The following ROBO1 variants were observed in gnomAD, a reference collection of about 807,000 sequenced individuals.
The protein encoded by ROBO1 is roundabout guidance receptor 1, also known as roundabout homolog 1.
In ROBO1, 149 loss-of-function variants were observed where a neutral mutation model predicts 195.9. That is an observed-to-expected ratio of 0.76 (90% CI 0.67 to 0.87). The LOEUF is 0.87. Among genes scored for constraint, ROBO1 ranks in the 40% least tolerant of loss-of-function variants. The probability of loss-of-function intolerance (pLI) is 0.00; values close to 1 mark genes in which losing one functional copy is unlikely to be tolerated. For missense variants in ROBO1, 1,933 were observed against 2,068.3 expected, an observed-to-expected ratio of 0.93 and a Z score of 1.27; for synonymous variants, 816 against 733.2, an observed-to-expected ratio of 1.11 and a Z score of -1.82.
At chr3:79,275,266 T>G (rs1408272294) in intron 2 of ROBO1, among the ~76,000 whole-genome samples, 1 of 151,738 alleles carries the variant, frequency 6.6e-6, no homozygotes, top group Non-Finnish European at 1.5e-5. Context: ...CAACAACATA[T>G]AAAAGATCAT....
At position 79,043,442 on chromosome 3, in the gene ROBO1, C is replaced by T. The variant is rs186171490; in HGVS notation, c.172+82014G>A. On this transcript the variant is annotated intron_variant, in intron 3 of 30. Coordinates refer to ENST00000464233, the MANE Select transcript of ROBO1 (RefSeq NM_002941.4). ...TTGAAACAATCCTTTGGAAAGCCAACGAGGTCACTAAAGGTCAAAACCCAT... is the reference window on the plus strand; with the variant it reads ...TTGAAACAATCCTTTGGAAAGCCAATGAGGTCACTAAAGGTCAAAACCCAT... Among the ~76,000 whole-genome samples, 115 of 151,944 alleles carry T rather than the reference C, an allele frequency of 7.6e-4. 2 individuals are homozygous for T. The South Asian group carries it at 0.021, about 28-fold the overall frequency.
intron 2 of ROBO1, among the ~76,000 whole-genome samples, chr3:79,282,299 CA>C (rs1269467807): frequency 6.6e-6 from 1 of 151,744 alleles, no homozygotes; most frequent in African/African-American, 2.4e-5. Context: ...GTATGAGCAC[CA>C]AAAAAAGAAC....
At chr3:79,665,914 G>A (rs929184102) in intron 1 of ROBO1, among the ~76,000 whole-genome samples, 1 of 151,898 alleles carries the variant, frequency 6.6e-6, no homozygotes, top group Non-Finnish European at 1.5e-5. Context: ...GACAGTGAAA[G>A]ATGATACTTG....
At chr3:78,656,283 T>C (rs1253496931) in intron 18 of ROBO1, among the ~76,000 whole-genome samples, 1 of 151,958 alleles carries the variant, frequency 6.6e-6, no homozygotes, top group African/African-American at 2.4e-5. Context: ...TGAATATAAA[T>C]TGGTCGTTGC....
At chr3:79,659,055 A>T (rs1946252500) in intron 1 of ROBO1, among the ~76,000 whole-genome samples, 1 of 151,938 alleles carries the variant, frequency 6.6e-6, no homozygotes, top group African/African-American at 2.4e-5. Context: ...AATTTTTAAC[A>T]TGTTCAATTA....
intron 1 of ROBO1, among the ~76,000 whole-genome samples, chr3:79,620,482 C>T (rs1208751868): frequency 1.3e-5 from 2 of 151,990 alleles, no homozygotes; most frequent in East Asian, 2.0e-4. Flanking sequence ...GCTTCTAAAC[C>T]TCTTAAAACT....
intron 4 of ROBO1, among the ~76,000 whole-genome samples, chr3:78,865,958 G>A (rs1162205985): frequency 6.6e-6 from 1 of 152,014 alleles, no homozygotes; most frequent in African/African-American, 2.4e-5. Flanking sequence ...CTCGAATAGA[G>A]GATATACATA....
chr3:79,480,409 T>C (rs1938775678), intron 2 of ROBO1, among the ~76,000 whole-genome samples: 1 of 152,164 alleles, frequency 6.6e-6, no homozygotes, highest in Admixed American at 6.5e-5. Flanking sequence ...GAAATCAATA[T>C]GGGTCTAAAG....
chr3:79,766,407 G>A (rs1704992631), intron 1 of ROBO1, among the ~76,000 whole-genome samples: 1 of 151,660 alleles, frequency 6.6e-6, no homozygotes, highest in South Asian at 2.1e-4. Flanking sequence ...GCAGGAGTGG[G>A]ATGTCTTAGC....
chr3:78,602,787 C>T lies in ROBO1; in HGVS notation c.4745-2478G>A, dbSNP rs370036602. 8.5e-5 allele frequency among the ~76,000 whole-genome samples: 13 copies of T among 152,266 alleles called. No homozygotes were observed. In the East Asian group the frequency reaches 2.1e-3, roughly 25 times the overall value. ...GCTGAACCCCTACTCTTACATGTTC[C>T]TCAAACTCAACCTGTTGAACATTGA... On this transcript the variant is annotated intron_variant, in intron 29 of 30. Coordinates refer to ENST00000464233, the MANE Select transcript of ROBO1 (RefSeq NM_002941.4).
At chr3:79,085,812 T>A (rs765102617) in intron 3 of ROBO1, among the ~76,000 whole-genome samples, 1 of 152,136 alleles carries the variant, frequency 6.6e-6, no homozygotes, top group African/African-American at 2.4e-5. Context: ...AAAGTTTAGA[T>A]CTCCTGTAGT....
At chr3:79,695,583 A>G (rs184482895) in intron 1 of ROBO1, among the ~76,000 whole-genome samples, 1 of 151,664 alleles carries the variant, frequency 6.6e-6, no homozygotes, top group East Asian at 1.9e-4. Flanking sequence ...CGAGAACAGA[A>G]TAAGAACTAC....
At chr3:78,915,590 C>T (rs1201042600) in intron 4 of ROBO1, among the ~76,000 whole-genome samples, 1 of 151,956 alleles carries the variant, frequency 6.6e-6, no homozygotes, top group Non-Finnish European at 1.5e-5. Context: ...TTGTATAATA[C>T]TTACTGAGAC....
intron 1 of ROBO1, among the ~76,000 whole-genome samples, chr3:79,650,834 G>C (rs1244505549): frequency 6.6e-6 from 1 of 151,680 alleles, no homozygotes; most frequent in African/African-American, 2.4e-5. Flanking sequence ...GCCTGAGTCA[G>C]AAAAAATAAA....
chr3:78,908,904 T>C (rs1011940660), intron 4 of ROBO1, among the ~76,000 whole-genome samples: 3 of 151,840 alleles, frequency 2.0e-5, no homozygotes, highest in Non-Finnish European at 4.4e-5. Flanking sequence ...TAAAATGCAT[T>C]CCATACTCTA....
At chr3:79,096,229 C>T (rs1158618570) in intron 3 of ROBO1, among the ~76,000 whole-genome samples, 6 of 151,848 alleles carry the variant, frequency 4.0e-5, no homozygotes, top group African/African-American at 4.8e-5. Context: ...ATTAAGATGC[C>T]GTCATTTCCC....
chr3:79,750,117 C>G (rs910394044), intron 1 of ROBO1, among the ~76,000 whole-genome samples: 2 of 152,194 alleles, frequency 1.3e-5, no homozygotes, highest in African/African-American at 2.4e-5. Context: ...ATCAGCATGA[C>G]CTGGATGTGA....
At chr3:79,013,922 C>G (rs2077852946) in intron 3 of ROBO1, among the ~76,000 whole-genome samples, 1 of 152,070 alleles carries the variant, frequency 6.6e-6, no homozygotes, top group Non-Finnish European at 1.5e-5. Context: ...TTTCACTTTA[C>G]TGGTCTCCTT....
intron 5 of ROBO1, among the ~76,000 whole-genome samples, chr3:78,725,279 G>T (rs771592656): frequency 7.2e-5 from 11 of 151,994 alleles, no homozygotes; most frequent in Non-Finnish European, 1.6e-4. Flanking sequence ...CTCCTTTTTG[G>T]GAAAGAGACA....
Sources: allele counts gnomAD v4.1 joint callset (sites outside exome capture counted in the v4.1 genomes callset), GRCh38; gene constraint gnomAD v4.1.1; transcripts MANE v1.5; gene names NCBI Gene and HGNC (gene_info 2026-07-23, HGNC 2026-07-21).